The following NLK variants were observed in gnomAD, a reference collection of about 807,000 sequenced individuals.
NLK encodes the protein serine/threonine-protein kinase NLK.
In NLK, 11 loss-of-function variants were observed where a neutral mutation model predicts 59.0. That is an observed-to-expected ratio of 0.19 (90% CI 0.12 to 0.31). The LOEUF (loss-of-function observed/expected upper bound fraction) is 0.31, where lower values mean the gene tolerates loss of function less well. Ranked by LOEUF, NLK falls within the 10% of genes least tolerant of loss-of-function variation. The probability of loss-of-function intolerance (pLI) is 1.00; values close to 1 mark genes in which losing one functional copy is unlikely to be tolerated. For missense variants in NLK, 410 were observed against 661.1 expected, an observed-to-expected ratio of 0.62 and a Z score of 4.16; for synonymous variants, 235 against 235.9, an observed-to-expected ratio of 1.00 and a Z score of 0.03.
At chr17:28,072,137 G>T (rs1050189390) in intron 1 of NLK, among the ~76,000 whole-genome samples, 15 of 152,034 alleles carry the variant, frequency 9.9e-5, no homozygotes, top group African/African-American at 3.6e-4. Context: ...TTTGTTCTGT[G>T]TTTTGGTAGA....
intron 1 of NLK, among the ~76,000 whole-genome samples, chr17:28,108,857 T>C (rs1418281383): frequency 6.6e-6 from 1 of 152,060 alleles, no homozygotes; most frequent in African/African-American, 2.4e-5. Context: ...ATCCCAGACA[T>C]AGGGAATCAA....
At chr17:28,171,146 T>C (rs750845997) in intron 6 of NLK, 1 of 152,170 alleles carries the variant, frequency 6.6e-6, no homozygotes, top group Non-Finnish European at 1.5e-5. Flanking sequence ...TTGTTAGAGA[T>C]CCAAAAGTAT....
chr17:28,161,083 A>G lies in NLK; in HGVS notation c.645-77A>G. ...TTTTCCAGCCTTGAGAATGGAAGTTATTTTTTAGATCTGGTCACCACTTTG... is the reference window on the plus strand; with the variant it reads ...TTTTCCAGCCTTGAGAATGGAAGTTGTTTTTTAGATCTGGTCACCACTTTG... On this transcript the variant is annotated intron_variant, in intron 3 of 10. Transcript: ENST00000407008. 5 of 779,480 alleles carry G rather than the reference A, an allele frequency of 6.4e-6. No homozygotes were observed. In the South Asian group the frequency reaches 7.4e-5, roughly 12 times the overall value. The allele number at this position is 779,480 out of a possible 1,614,324, so 48.3% of individuals were successfully genotyped here. A position where few individuals can be genotyped will look rare whatever the true frequency, so the allele number is the denominator to read the frequency against.
At chr17:28,168,414 G>T in intron 5 of NLK, 34 bp from the exon 6 acceptor site, 1 of 1,445,974 alleles carries the variant, frequency 6.9e-7, no homozygotes, top group Non-Finnish European at 9.7e-7. Flanking sequence ...ATTTGTATTT[G>T]CTTGATAATG....
chr17:28,177,301 C>A (rs1277225388), intron 7 of NLK, among the ~76,000 whole-genome samples: 1 of 152,144 alleles, frequency 6.6e-6, no homozygotes, highest in East Asian at 1.9e-4. Flanking sequence ...AGAAGGAGAA[C>A]CTATTTGACT....
chr17:28,156,783 C>T (rs1485154293), intron 3 of NLK, among the ~76,000 whole-genome samples: 4 of 152,182 alleles, frequency 2.6e-5, no homozygotes, highest in African/African-American at 9.7e-5. Flanking sequence ...ATATCACAAA[C>T]ATAATATTCT....
At chr17:28,200,919 C>G (rs1909612819), downstream of NLK, among the ~76,000 whole-genome samples, 1 of 152,200 alleles carries the variant, frequency 6.6e-6, no homozygotes. Flanking sequence ...TTGTAAAGCT[C>G]TCTTTCCACA....
At chr17:28,162,487 CTT>C (rs1367600049) in intron 4 of NLK, among the ~76,000 whole-genome samples, 3 of 151,912 alleles carry the variant, frequency 2.0e-5, no homozygotes, top group Admixed American at 6.6e-5. Context: ...AAATACAAAA[CTT>C]AGCTGGGCAT....
At chr17:28,204,687 A>C in the NLK span, among the ~76,000 whole-genome samples, 1 of 152,210 alleles carries the variant, frequency 6.6e-6, no homozygotes, top group Admixed American at 6.5e-5. Context: ...GACAGACAAT[A>C]AACATACAAA....
chr17:28,189,366 CAA>C (rs1283001292), intron 8 of NLK, among the ~76,000 whole-genome samples: 1 of 152,096 alleles, frequency 6.6e-6, no homozygotes, highest in African/African-American at 2.4e-5. Flanking sequence ...TTGAAAATGT[CAA>C]AAAGTCCTGC....
intron 1 of NLK, among the ~76,000 whole-genome samples, chr17:28,045,513 G>T (rs1166344890): frequency 1.3e-5 from 2 of 151,932 alleles, no homozygotes; most frequent in African/African-American, 2.4e-5. Context: ...TCGGGTCTTT[G>T]TTTTTTTAAC....
intron 1 of NLK, among the ~76,000 whole-genome samples, chr17:28,054,382 T>C (rs145704347): frequency 1.1e-3 from 162 of 152,372 alleles, no homozygotes; most frequent in African/African-American, 3.7e-3. Context: ...TAATTAATTA[T>C]AACACTGTTT....
At position 28,131,986 on chromosome 17, in the gene NLK, C is replaced by G. The variant is rs35962329; in HGVS notation, c.589-634C>G. On this transcript the variant is annotated intron_variant, in intron 2 of 10. Transcript: ENST00000407008. ...ATTCAATAAGCACTGGCTTTTCTGTCTCTAGAATCTGCCTCAGTGTCTTTA... is the reference window on the plus strand; with the variant it reads ...ATTCAATAAGCACTGGCTTTTCTGTGTCTAGAATCTGCCTCAGTGTCTTTA... Among the ~76,000 whole-genome samples the G allele has an allele frequency of 8.7e-3, 1,329 of 152,232 alleles. 21 individuals are homozygous for G. Among genetic ancestry groups the G allele is most frequent in the African/African-American group, 0.03 (1,253 of 41,556 alleles).
intron 1 of NLK, among the ~76,000 whole-genome samples, chr17:28,072,447 T>C (rs1910039311): frequency 6.6e-6 from 1 of 151,392 alleles, no homozygotes; most frequent in Admixed American, 6.6e-5. Flanking sequence ...AACTTCAGCC[T>C]CCCAAGGGGC....
At chr17:28,156,920 T>G (rs890368005) in intron 3 of NLK, among the ~76,000 whole-genome samples, 2 of 152,050 alleles carry the variant, frequency 1.3e-5, no homozygotes, top group Admixed American at 6.6e-5. Context: ...AAAACCGTGG[T>G]TTTTTTTCTA....
chr17:28,180,825 T>TA (rs1039327039), intron 7 of NLK, among the ~76,000 whole-genome samples: 3 of 151,620 alleles, frequency 2.0e-5, no homozygotes, highest in Admixed American at 6.6e-5. Context: ...CTTTACACAA[T>TA]AAAAAAAAAT....
chr17:28,063,931 C>A (rs1567703234), intron 1 of NLK, among the ~76,000 whole-genome samples: 3 of 152,100 alleles, frequency 2.0e-5, no homozygotes, highest in Admixed American at 2.0e-4. Flanking sequence ...TGTTCTTTAG[C>A]CCTTTGAATA....
intron 1 of NLK, among the ~76,000 whole-genome samples, chr17:28,115,658 A>G (rs1185049477): frequency 6.6e-6 from 1 of 152,092 alleles, no homozygotes; most frequent in African/African-American, 2.4e-5. Context: ...CTTTAAAACT[A>G]CTTCATCTAT....
At chr17:28,183,731 C>A (rs1038108285) in intron 7 of NLK, among the ~76,000 whole-genome samples, 3 of 152,002 alleles carry the variant, frequency 2.0e-5, no homozygotes, top group Non-Finnish European at 4.4e-5. Flanking sequence ...GGTCTAAAAC[C>A]CATTAGGAAA....
Sources: allele counts gnomAD v4.1 joint callset (sites outside exome capture counted in the v4.1 genomes callset), GRCh38; gene constraint gnomAD v4.1.1; transcripts MANE v1.5; gene names NCBI Gene and HGNC (gene_info 2026-07-23, HGNC 2026-07-21).